TLN2: variants seen among roughly 807,000 people sequenced by gnomAD.
The protein encoded by TLN2 is talin 2, also known as talin-2.
In TLN2, 118 loss-of-function variants were observed where a neutral mutation model predicts 294.7. The observed-to-expected ratio is 0.40, with a 90% CI of 0.34 to 0.47. The LOEUF is 0.47. Among genes scored for constraint, TLN2 ranks in the 20% least tolerant of loss-of-function variants. The probability of loss-of-function intolerance (pLI) is 0.84; values close to 1 mark genes in which losing one functional copy is unlikely to be tolerated. For missense variants in TLN2, 3,083 were observed against 3,282.2 expected (o/e 0.94, Z 1.48); for synonymous variants, 1,431 against 1,304.5 (o/e 1.10, Z -2.09).
At chr15:62,800,094 G>A (rs1309206839) in intron 48 of TLN2, among the ~76,000 whole-genome samples, 2 of 152,224 alleles carry the variant, frequency 1.3e-5, no homozygotes, top group African/African-American at 2.4e-5. Context: ...CATCGGCCAA[G>A]TTGCTGGCTA....
intron 1 of TLN2, among the ~76,000 whole-genome samples, chr15:62,428,561 G>A (rs554566729): frequency 3.3e-5 from 5 of 152,294 alleles, no homozygotes; most frequent in East Asian, 1.9e-4. Flanking sequence ...CTCCTTGCCC[G>A]GTGTGTCTGG....
chr15:62,818,821 C>G (rs1457193461), intron 52 of TLN2, among the ~76,000 whole-genome samples: 1 of 148,416 alleles, frequency 6.7e-6, no homozygotes, highest in Non-Finnish European at 1.5e-5. Flanking sequence ...TGCCTTTACT[C>G]AGCATGTTCT....
intron 1 of TLN2, among the ~76,000 whole-genome samples, chr15:62,494,409 C>T (rs2038912503): frequency 6.6e-6 from 1 of 152,040 alleles, no homozygotes; most frequent in Non-Finnish European, 1.5e-5. Flanking sequence ...TAATTCTCCT[C>T]CAGGCAGATA....
chr15:62,627,239 C>T (rs2049359856), intron 3 of TLN2, among the ~76,000 whole-genome samples: 1 of 152,122 alleles, frequency 6.6e-6, no homozygotes, highest in Non-Finnish European at 1.5e-5. Context: ...CTTGGATGTG[C>T]AGGAAGGAAG....
chr15:62,474,209 A>C (rs865844635), intron 1 of TLN2, among the ~76,000 whole-genome samples: 5 of 152,254 alleles, frequency 3.3e-5, no homozygotes, highest in African/African-American at 1.2e-4. Context: ...GAGGTTCAGA[A>C]AAGAAATTTC....
At chr15:62,831,202 C>CT (rs1270477795) in intron 54 of TLN2, 1 of 152,000 alleles carries the variant, frequency 6.6e-6, no homozygotes, top group Middle Eastern at 3.2e-3. Context: ...AATAAAAAGT[C>CT]TGACAGAGTA....
intron 3 of TLN2, among the ~76,000 whole-genome samples, chr15:62,624,754 C>T (rs10851715): frequency 0.69 from 105,477 of 152,096 alleles, 37,236 homozygotes; most frequent in Middle Eastern, 0.82. Context: ...CACACAATTA[C>T]GTACATAAGC....
At position 62,708,690 on chromosome 15, in the gene TLN2, T is replaced by C. The variant is rs370890847; in HGVS notation, c.2361T>C (p.His787=). 26 of 1,613,950 alleles carry C rather than the reference T, an allele frequency of 1.6e-5. No homozygotes were observed. The African/African-American group carries it at 3.1e-4, about 19-fold the overall frequency. Residue 787 remains histidine, a synonymous_variant, in exon 21 of 59, where the codon CAT becomes CAC. Coordinates refer to ENST00000636159, the MANE Select transcript of TLN2 (RefSeq NM_015059.3). ...AGGCCCTCCATGATCTCCTGCAGCA[T>C]GTGCGGCAGTTTGCCAGCCGAGGCG... ...VSQALHDLLQ[H]VRQFASRGEP...
intron 1 of TLN2, among the ~76,000 whole-genome samples, chr15:62,464,519 C>CTATA (rs1200205904): frequency 6.6e-6 from 1 of 151,706 alleles, no homozygotes; most frequent in Admixed American, 6.6e-5. Context: ...ACATGTATAC[C>CTATA]TATATATCAA....
chr15:62,458,064 G>A (rs764210888), intron 1 of TLN2, among the ~76,000 whole-genome samples: 1 of 152,216 alleles, frequency 6.6e-6, no homozygotes, highest in African/African-American at 2.4e-5. Context: ...CAGTTGTTGG[G>A]CCTTGGCGTC....
intron 1 of TLN2, among the ~76,000 whole-genome samples, chr15:62,470,992 G>A (rs530730227): frequency 6.6e-6 from 1 of 152,312 alleles, no homozygotes; most frequent in South Asian, 2.1e-4. Context: ...TTGAATATCT[G>A]ACACAACATG....
chr15:62,838,107 T>C (rs2070002251), intron 57 of TLN2: 1 of 152,246 alleles, frequency 6.6e-6, no homozygotes, highest in South Asian at 2.1e-4. Context: ...AGCTCTTCTT[T>C]ACCTGTCTCT....
At chr15:62,446,909 T>C (rs1400345924) in intron 1 of TLN2, among the ~76,000 whole-genome samples, 6 of 152,232 alleles carry the variant, frequency 3.9e-5, no homozygotes, top group Admixed American at 3.9e-4. Context: ...CATAATTAGT[T>C]GTTAGATGAA....
At chr15:62,766,687 A>T (rs962842491) in intron 41 of TLN2, among the ~76,000 whole-genome samples, 1 of 152,200 alleles carries the variant, frequency 6.6e-6, no homozygotes, top group African/African-American at 2.4e-5. Context: ...GTAATTTGGC[A>T]TTTACAGTCA....
At chr15:62,542,183 G>A (rs2041729416) in intron 1 of TLN2, among the ~76,000 whole-genome samples, 3 of 151,910 alleles carry the variant, frequency 2.0e-5, no homozygotes, top group African/African-American at 4.8e-5. Flanking sequence ...AGGGGGTTAC[G>A]TTCCATTTAG....
At chr15:62,530,783 C>T (rs2041001706) in intron 1 of TLN2, among the ~76,000 whole-genome samples, 1 of 152,206 alleles carries the variant, frequency 6.6e-6, no homozygotes, top group Non-Finnish European at 1.5e-5. Context: ...CTTCGTCTTT[C>T]TGACACATGA....
chr15:62,446,106 A>G (rs2035808770), intron 1 of TLN2, among the ~76,000 whole-genome samples: 1 of 151,788 alleles, frequency 6.6e-6, no homozygotes. Flanking sequence ...TCCCGGGTTC[A>G]CGTCATTCTC....
At chr15:62,629,623 A>G (rs2049599612) in intron 3 of TLN2, among the ~76,000 whole-genome samples, 2 of 152,370 alleles carry the variant, frequency 1.3e-5, no homozygotes, top group East Asian at 1.9e-4. Context: ...AGGCTAAGCC[A>G]TGAGCCCTTG....
intron 1 of TLN2, among the ~76,000 whole-genome samples, chr15:62,450,072 A>C (rs573953630): frequency 2.0e-5 from 3 of 151,932 alleles, no homozygotes; most frequent in Admixed American, 6.6e-5. Context: ...TTACTTTCCT[A>C]ATGTTTTCTG....
Sources: gnomAD v4.1 joint callset for allele counts (sites outside exome capture counted in the v4.1 genomes callset) on GRCh38, gnomAD v4.1.1 for gene constraint, MANE v1.5 for transcripts, NCBI Gene and HGNC (gene_info 2026-07-23, HGNC 2026-07-21) for gene names.